Variants in LRTM3 observed in about 807,000 individuals in gnomAD.
LRTM3 encodes the protein leucine-rich repeat transmembrane protein 3.
At chr13:102,733,475 A>G in the LRTM3 span, 2 of 1,551,352 alleles carry the variant, frequency 1.3e-6, no homozygotes, top group Non-Finnish European at 1.7e-6. Flanking sequence ...TGTGACATAC[A>G]GTTCCTTAGA....
At chr13:102,737,040 T>A in the LRTM3 span, 1 of 1,551,148 alleles carries the variant, frequency 6.4e-7, no homozygotes, top group East Asian at 2.4e-5. Context: ...TGTCTCAATT[T>A]TTCTTTTATG....
chr13:102,745,802 C>T, the LRTM3 span: 10 of 1,551,174 alleles, frequency 6.4e-6, no homozygotes, highest in Middle Eastern at 1.7e-4. Context: ...AGGTGAAAAC[C>T]TAACATGACT....
chr13:102,755,649 G>C, the LRTM3 span, among the ~76,000 whole-genome samples: 2 of 151,852 alleles, frequency 1.3e-5, no homozygotes, highest in Non-Finnish European at 2.9e-5. Flanking sequence ...AGGCCTTTTC[G>C]GGGATGGGGG....
the LRTM3 span, among the ~76,000 whole-genome samples, chr13:102,755,659 G>T: frequency 6.6e-6 from 1 of 151,838 alleles, no homozygotes; most frequent in Non-Finnish European, 1.5e-5. Context: ...GGGGATGGGG[G>T]ACGAGGGGAG....
the LRTM3 span, chr13:102,735,371 T>G: frequency 6.4e-7 from 1 of 1,551,330 alleles, no homozygotes; most frequent in Middle Eastern, 1.7e-4. Flanking sequence ...ATCTGATGAT[T>G]CCTTGGACCG....
chr13:102,745,642 A>G, the LRTM3 span: 2 of 1,551,086 alleles, frequency 1.3e-6, no homozygotes, highest in Middle Eastern at 1.7e-4. Flanking sequence ...TTTTAGGTGT[A>G]GATAAAGCAG....
At chr13:102,738,588 A>G in the LRTM3 span, 4 of 1,550,216 alleles carry the variant, frequency 2.6e-6, no homozygotes, top group African/African-American at 2.7e-5. Context: ...TCTTTTTGCA[A>G]TATAGATTCT....
chr13:102,758,462 A>C, the LRTM3 span: 1 of 1,539,518 alleles, frequency 6.5e-7, no homozygotes, highest in Non-Finnish European at 8.8e-7. Flanking sequence ...GCTGAATAGG[A>C]ATAAAAAAGT....
the LRTM3 span, chr13:102,733,171 A>C: frequency 6.4e-7 from 1 of 1,551,400 alleles, no homozygotes; most frequent in Non-Finnish European, 8.7e-7. Flanking sequence ...TCTTGTGCCC[A>C]TGTTCACACC....
chr13:102,737,722 T>C, the LRTM3 span: 3 of 1,550,944 alleles, frequency 1.9e-6, no homozygotes, highest in African/African-American at 1.4e-5. Flanking sequence ...GTACTTCACT[T>C]GCGCTATCAC....
chr13:102,740,867 A>G, the LRTM3 span: 2 of 1,549,996 alleles, frequency 1.3e-6, no homozygotes, highest in South Asian at 2.4e-5. Flanking sequence ...AATCTGAAGT[A>G]CGTCCATTAA....
chr13:102,730,700 G>T, the LRTM3 span: 11 of 1,551,830 alleles, frequency 7.1e-6, no homozygotes, highest in Non-Finnish European at 8.7e-7. Flanking sequence ...TGTATCAATG[G>T]AAAGACTACC....
chr13:102,740,424 C>T, the LRTM3 span: 4 of 1,550,174 alleles, frequency 2.6e-6, no homozygotes, highest in Non-Finnish European at 8.7e-7. Flanking sequence ...GATAATGCTT[C>T]CTTTTCCTGA....
chr13:102,734,568 C>G, the LRTM3 span: 3 of 1,551,080 alleles, frequency 1.9e-6, no homozygotes, highest in South Asian at 3.6e-5. Flanking sequence ...CCTCTCATAT[C>G]GATTATTTTT....
At chr13:102,735,341 G>A in the LRTM3 span, 2 of 1,551,306 alleles carry the variant, frequency 1.3e-6, no homozygotes, top group Non-Finnish European at 1.7e-6. Context: ...GGTTGCTTCT[G>A]GACATGCTAT....
chr13:102,739,514 AAAG>A, the LRTM3 span: 2 of 1,550,466 alleles, frequency 1.3e-6, no homozygotes, highest in Non-Finnish European at 1.7e-6. Context: ...TAGAGATGGT[AAAG>A]AAGTACACAA....
At chr13:102,740,927 T>C in the LRTM3 span, 1 of 1,549,980 alleles carries the variant, frequency 6.5e-7, no homozygotes, top group Admixed American at 2.0e-5. Context: ...TTCTTGTGGA[T>C]GTTCTTTTCT....
At chr13:102,744,281 C>A in the LRTM3 span, 1 of 1,550,544 alleles carries the variant, frequency 6.4e-7, no homozygotes, top group South Asian at 1.2e-5. Context: ...ATAGCTCCGG[C>A]TTTCATATTC....
At chr13:102,735,772 T>A in the LRTM3 span, 1 of 1,544,704 alleles carries the variant, frequency 6.5e-7, no homozygotes, top group South Asian at 1.2e-5. Context: ...GAATCTTTAG[T>A]GGTGGAAAAC....
Sources: allele counts gnomAD v4.1 joint callset (sites outside exome capture counted in the v4.1 genomes callset), GRCh38; gene constraint gnomAD v4.1.1; transcripts MANE v1.5; gene names NCBI Gene and HGNC (gene_info 2026-07-23, HGNC 2026-07-21).